Variants in PRKCA observed in about 807,000 individuals in gnomAD.
PRKCA encodes the protein protein kinase C alpha.
Under a neutral mutation model 87.0 loss-of-function variants are expected in PRKCA, and 27 were observed. The ratio of observed to expected loss-of-function variants is 0.31; its 90% CI spans 0.23 to 0.43. PRKCA has a LOEUF of 0.43. PRKCA is among the 20% of genes least tolerant of loss of function. PRKCA has a pLI of 1.00. For synonymous variants in PRKCA, 329 were observed against 311.1 expected (o/e 1.06, Z -0.61); for missense variants, 518 against 852.3 (o/e 0.61, Z 4.88).
chr17:66,405,189 C>T (rs967292846), intron 2 of PRKCA, among the ~76,000 whole-genome samples: 15 of 152,154 alleles, frequency 9.9e-5, no homozygotes, highest in Admixed American at 2.6e-4. Flanking sequence ...CCCAAGGTGC[C>T]GACACTGCGT....
intron 2 of PRKCA, among the ~76,000 whole-genome samples, chr17:66,312,831 T>G (rs574529850): frequency 2.2e-4 from 33 of 148,128 alleles, no homozygotes; most frequent in Non-Finnish European, 4.2e-4. Context: ...CTTTGCCTCC[T>G]GGGCTCAAGA....
Position 66,503,723 on chromosome 17 carries a change from C to T in PRKCA, c.288+7440C>T, listed in dbSNP as rs772436353. 7.9e-5 allele frequency among the ~76,000 whole-genome samples: 12 copies of T among 152,038 alleles called. 1 individual carries two copies. In the East Asian group the frequency reaches 1.7e-3, roughly 22 times the overall value. On this transcript the variant is annotated intron_variant, in intron 3 of 16. Transcript: ENST00000413366. ...CAGTCCTTTTCAGTGTCTTAGAAAC[C>T]GATCAGATAAAAAAGGCTGCTGAAA...
chr17:66,461,680 A>G (rs1914860415), intron 2 of PRKCA, among the ~76,000 whole-genome samples: 2 of 152,222 alleles, frequency 1.3e-5, no homozygotes, highest in African/African-American at 4.8e-5. Flanking sequence ...TCAATTTGTA[A>G]TAGAAAAACA....
chr17:66,451,935 A>G (rs1914344208), intron 2 of PRKCA, among the ~76,000 whole-genome samples: 2 of 152,254 alleles, frequency 1.3e-5, no homozygotes, highest in Admixed American at 6.5e-5. Context: ...TTTTGATTCT[A>G]TCTCAATCTA....
At chr17:66,579,430 A>G (rs533673352) in intron 3 of PRKCA, among the ~76,000 whole-genome samples, 1 of 152,296 alleles carries the variant, frequency 6.6e-6, no homozygotes, top group African/African-American at 2.4e-5. Context: ...AGCAGTGGGT[A>G]GGGGTCAGAG....
At chr17:66,687,033 G>C in intron 5 of PRKCA, 78 bp from the exon 6 acceptor site, 1 of 1,282,214 alleles carries the variant, frequency 7.8e-7, no homozygotes, top group South Asian at 1.4e-5. Flanking sequence ...CTTTTATTCA[G>C]CTTGGTATTG....
chr17:66,539,566 G>A (rs976746419), intron 3 of PRKCA, among the ~76,000 whole-genome samples: 11 of 151,978 alleles, frequency 7.2e-5, no homozygotes, highest in Non-Finnish European at 2.9e-5. Context: ...ACCACATCCA[G>A]CTAATTTTTT....
At chr17:66,320,379 T>TTTC (rs1230728974) in intron 2 of PRKCA, among the ~76,000 whole-genome samples, 1 of 152,000 alleles carries the variant, frequency 6.6e-6, no homozygotes, top group East Asian at 1.9e-4. Flanking sequence ...ATACTCTATT[T>TTTC]TTTTTTTTTA....
chr17:66,437,720 C>CATTTTTTTT (rs1555604156), intron 2 of PRKCA, among the ~76,000 whole-genome samples: 1 of 32,818 alleles, frequency 3.0e-5, no homozygotes, highest in African/African-American at 1.4e-4. Flanking sequence ...TTCAAGTTTC[C>CATTTTTTTT]TTTTTTTTTT....
At chr17:66,522,593 C>T (rs1442182027) in intron 3 of PRKCA, among the ~76,000 whole-genome samples, 2 of 152,100 alleles carry the variant, frequency 1.3e-5, no homozygotes, top group African/African-American at 4.8e-5. Flanking sequence ...TCCTTCTGTA[C>T]TGGGGGTTCA....
rs1173694827 is a variant in PRKCA at position 66,446,113 on chromosome 17, C to A, written c.206-50088C>A. Among the ~76,000 whole-genome samples the A allele has an allele frequency of 2.0e-5, 3 of 152,170 alleles. No homozygotes were observed. In the East Asian group the frequency reaches 5.8e-4, roughly 29 times the overall value. On this transcript the variant is annotated intron_variant, in intron 2 of 16. Coordinates refer to ENST00000413366, the MANE Select transcript of PRKCA (RefSeq NM_002737.3). ...ACAGGCTTGATTCCAGCCAAAGTGC[C>A]TGGCTGACTCTTTGAATTAGAAGTT...
Position 66,468,142 on chromosome 17 carries a change from G to A in PRKCA, c.206-28059G>A, listed in dbSNP as rs143563592. 5.3e-5 allele frequency among the ~76,000 whole-genome samples: 8 copies of A among 152,304 alleles called. No homozygotes were observed. In the East Asian group the frequency reaches 1.5e-3, roughly 29 times the overall value. ...ATGATAAAGCTACATTTGTCAAAAA[G>A]CACATATTTTCCATTCGACATTTTG... On this transcript the variant is annotated intron_variant, in intron 2 of 16. Coordinates refer to ENST00000413366, the MANE Select transcript of PRKCA (RefSeq NM_002737.3).
At chr17:66,518,527 T>C (rs16959466) in intron 3 of PRKCA, among the ~76,000 whole-genome samples, 9,764 of 152,296 alleles carry the variant, frequency 0.064, 386 homozygotes, top group South Asian at 0.11. Context: ...GATTTTACTG[T>C]GAATGCTACC....
At chr17:66,775,646 A>G in intron 14 of PRKCA, 2 of 985,446 alleles carry the variant, frequency 2.0e-6, no homozygotes, top group Non-Finnish European at 2.4e-6. Context: ...ATGGAAAGAG[A>G]TGGCCATGCT....
chr17:66,778,658 C>A (rs75242982), intron 14 of PRKCA, among the ~76,000 whole-genome samples: 4,718 of 152,052 alleles, frequency 0.031, 110 homozygotes, highest in Middle Eastern at 0.099. Flanking sequence ...ACCAGGGCAA[C>A]ATGACAAAAT....
chr17:66,333,237 C>G (rs1457636395), intron 2 of PRKCA, among the ~76,000 whole-genome samples: 1 of 152,156 alleles, frequency 6.6e-6, no homozygotes, highest in African/African-American at 2.4e-5. Context: ...GTATATGAAG[C>G]AGAGACTGGG....
At chr17:66,536,956 A>G (rs552068086) in intron 3 of PRKCA, among the ~76,000 whole-genome samples, 2 of 152,282 alleles carry the variant, frequency 1.3e-5, no homozygotes, top group East Asian at 1.9e-4. Context: ...CCTCTCCACC[A>G]TATCCAGTGC....
intron 3 of PRKCA, among the ~76,000 whole-genome samples, chr17:66,632,653 A>G (rs1474488174): frequency 6.6e-6 from 1 of 152,104 alleles, no homozygotes; most frequent in Non-Finnish European, 1.5e-5. Flanking sequence ...TTTTTTACAT[A>G]AAAGTCATTA....
intron 8 of PRKCA, among the ~76,000 whole-genome samples, chr17:66,719,066 T>A (rs1483411813): frequency 6.6e-6 from 1 of 152,108 alleles, no homozygotes. Context: ...CCCAAAAAGG[T>A]CACAAACAAG....
Sources: gnomAD v4.1 joint callset for allele counts (sites outside exome capture counted in the v4.1 genomes callset) on GRCh38, gnomAD v4.1.1 for gene constraint, MANE v1.5 for transcripts, NCBI Gene and HGNC (gene_info 2026-07-23, HGNC 2026-07-21) for gene names.